The following ATP11A variants were observed in gnomAD, a reference collection of about 807,000 sequenced individuals.
ATP11A encodes phospholipid-transporting ATPase IH.
Under a neutral mutation model 154.4 loss-of-function variants are expected in ATP11A, and 81 were observed. That is an observed-to-expected ratio of 0.52 (90% confidence interval 0.44 to 0.63). The LOEUF is 0.63. ATP11A is among the 30% of genes least tolerant of loss of function. The probability of loss-of-function intolerance (pLI) is 0.00; values close to 1 mark genes in which losing one functional copy is unlikely to be tolerated. For synonymous variants in ATP11A, 623 were observed against 585.9 expected (o/e 1.06, Z -0.91); for missense variants, 1,316 against 1,474.3 (o/e 0.89, Z 1.76).
At chr13:112,800,624 A>C (rs147751692) in intron 2 of ATP11A, among the ~76,000 whole-genome samples, 10 of 152,306 alleles carry the variant, frequency 6.6e-5, no homozygotes, top group African/African-American at 2.4e-4. Flanking sequence ...TAGAAGCGGA[A>C]GGAACATTTT....
At chr13:112,857,129 C>T (rs1011075485) in intron 20 of ATP11A, among the ~76,000 whole-genome samples, 2 of 152,214 alleles carry the variant, frequency 1.3e-5, no homozygotes, top group African/African-American at 4.8e-5. Context: ...TGAAACATTT[C>T]ATACAAATTA....
intron 2 of ATP11A, among the ~76,000 whole-genome samples, chr13:112,802,066 TG>T (rs1566500967): frequency 6.6e-6 from 1 of 152,136 alleles, no homozygotes; most frequent in East Asian, 1.9e-4. Flanking sequence ...AAATAGCGGC[TG>T]GGCGTGGCGG....
At chr13:112,765,398 G>T (rs1023515965) in intron 1 of ATP11A, among the ~76,000 whole-genome samples, 2 of 152,226 alleles carry the variant, frequency 1.3e-5, no homozygotes, top group East Asian at 3.8e-4. Context: ...CGCTGGTGCA[G>T]CCTCCTCCGG....
chr13:112,834,254 A>C (rs1003143846), intron 14 of ATP11A, among the ~76,000 whole-genome samples: 18 of 152,250 alleles, frequency 1.2e-4, no homozygotes, highest in African/African-American at 4.1e-4. Flanking sequence ...AAAGTCCACG[A>C]ATCAATGAGC....
intron 1 of ATP11A, among the ~76,000 whole-genome samples, chr13:112,771,317 C>T (rs1316915810): frequency 6.6e-6 from 1 of 152,262 alleles, no homozygotes; most frequent in East Asian, 1.9e-4. Context: ...CGAGGGGAGG[C>T]AAGGCGTGCG....
At chr13:112,720,760 G>T (rs1171731770) in intron 1 of ATP11A, among the ~76,000 whole-genome samples, 2 of 152,074 alleles carry the variant, frequency 1.3e-5, no homozygotes, top group African/African-American at 4.8e-5. Flanking sequence ...GTTTCACCGT[G>T]TTGGCCAGGC....
In ATP11A at chr13:112,884,347, G is replaced by C. The variant is rs987977194; in HGVS notation, c.*2481G>C. 2.0e-5 allele frequency: 3 copies of C among 152,612 alleles called. No homozygotes were observed. Among genetic ancestry groups the C allele is most frequent in the African/African-American group, 7.2e-5 (3 of 41,438 alleles). The allele number at this position is 152,612 out of a possible 1,614,324, so 9.5% of individuals were successfully genotyped here. ...CTCACGTGAAGGTTTAGTAAGTTGG[G>C]TCCCAGCTCTGCCTGTGTGGAGATA... On this transcript the variant is annotated 3_prime_UTR_variant, in exon 30 of 30. Coordinates refer to ENST00000375645, the MANE Select transcript of ATP11A (RefSeq NM_015205.3).
intron 19 of ATP11A, among the ~76,000 whole-genome samples, chr13:112,855,621 C>T (rs148911226): frequency 2.2e-4 from 33 of 152,322 alleles, no homozygotes; most frequent in Non-Finnish European, 4.6e-4. Context: ...GATCTTAGAC[C>T]ACAAGATGAA....
At position 112,690,325 on chromosome 13, in the gene ATP11A, G is replaced by C; in HGVS notation, c.-92G>C. 2 of 1,024,128 alleles carry C rather than the reference G, an allele frequency of 2.0e-6. No individual in the cohort carries two copies. The highest frequency in any genetic ancestry group is 2.5e-6 in the Non-Finnish European group (2 of 816,302). The allele number at this position is 1,024,128 out of a possible 1,614,324, so 63.4% of individuals were successfully genotyped here. A position where few individuals can be genotyped will look rare whatever the true frequency, so the allele number is the denominator to read the frequency against. On this transcript the variant is annotated 5_prime_UTR_variant, in exon 1 of 30. Transcript: ENST00000375645. This position sits in a 1 kb window ranked among gnomAD's most constrained non-coding sequence, Gnocchi z 5.6. The stretch of plus-strand genomic sequence containing the variant: ...GCGCCGAGGCCGTGACCGGAGCGGG[G>C]GGCGCGGCCGCACTAGTACCCCGGA...
rs1283348721 is a variant in ATP11A, at chr13:112,746,446, A to G, written c.40-38689A>G. On this transcript the variant is annotated intron_variant, in intron 1 of 29. Transcript: ENST00000375645. The surrounding 1 kb of genome is among the most constrained non-coding windows in gnomAD (Gnocchi z 4.1). Reference sequence around the variant, plus strand: ...CGGCTCCCCGCGTCCTCCCCGGGTAACTGGGGCTCTGGTTCCCCACGTCCT... The same window carrying G: ...CGGCTCCCCGCGTCCTCCCCGGGTAGCTGGGGCTCTGGTTCCCCACGTCCT... 1 of 151,530 alleles carries G rather than the reference A, an allele frequency of 6.6e-6. No homozygotes were observed. Among genetic ancestry groups the G allele is most frequent in the Non-Finnish European group, 1.5e-5 (1 of 67,974 alleles). 9.4% of individuals were successfully genotyped at this position (151,530 alleles called of 1,614,324 possible). A position where few individuals can be genotyped will look rare whatever the true frequency, so the allele number is the denominator to read the frequency against.
At chr13:112,774,037 G>A (rs1048029058) in intron 1 of ATP11A, among the ~76,000 whole-genome samples, 5 of 152,200 alleles carry the variant, frequency 3.3e-5, no homozygotes, top group Admixed American at 6.5e-5. Context: ...CCTGCTTCCC[G>A]TCCACCTCAC....
chr13:112,886,912 A>G lies in ATP11A; in HGVS notation c.*5046A>G, dbSNP rs1011528014. The G allele has an allele frequency of 1.3e-5, 2 of 152,300 alleles. No homozygotes were observed. The highest frequency in any genetic ancestry group is 4.8e-5 in the African/African-American group (2 of 41,474). The allele number at this position is 152,300 out of a possible 1,614,324, so 9.4% of individuals were successfully genotyped here. ...AAACATAGTAGGTGCATTAACATAA[A>G]TCAGTCTCCACACAGTAACATTTAA... On this transcript the variant is annotated 3_prime_UTR_variant, in exon 30 of 30. Coordinates refer to ENST00000375645, the MANE Select transcript of ATP11A (RefSeq NM_015205.3).
intron 17 of ATP11A, among the ~76,000 whole-genome samples, chr13:112,848,293 T>G (rs2079663192): frequency 6.6e-6 from 1 of 152,256 alleles, no homozygotes; most frequent in South Asian, 2.1e-4. Flanking sequence ...CCTCCTTGGT[T>G]AAATTTATTC....
chr13:112,778,628 T>TGAGTAGCTGCTGGAGTGAG (rs2077406797), intron 1 of ATP11A, among the ~76,000 whole-genome samples: 3 of 99,286 alleles, frequency 3.0e-5, no homozygotes, highest in South Asian at 3.5e-4. Context: ...GCCACTGGAG[T>TGAGTAGCTGCTGGAGTGAG]GAGTAGCCGC....
At chr13:112,727,653 A>C (rs1890020199) in intron 1 of ATP11A, among the ~76,000 whole-genome samples, 1 of 152,138 alleles carries the variant, frequency 6.6e-6, no homozygotes, top group African/African-American at 2.4e-5. Context: ...TCCACACACC[A>C]TGCAGGGCCC....
At chr13:112,743,307 T>C (rs1891744818) in intron 1 of ATP11A, among the ~76,000 whole-genome samples, 1 of 152,200 alleles carries the variant, frequency 6.6e-6, no homozygotes. Flanking sequence ...GGTGTGGTTA[T>C]TGGGCAGATG....
Position 112,834,696 on chromosome 13 carries a change from T to A in ATP11A, c.1631+36T>A, listed in dbSNP as rs757224454. On this transcript the variant is annotated intron_variant, in intron 15 of 29. Transcript: ENST00000375645. ...ACCTCACCCTCAGATGTGAAAGGACTAACGAATAAAGAGTGTTCTTTATAA... is the reference window on the plus strand; with the variant it reads ...ACCTCACCCTCAGATGTGAAAGGACAAACGAATAAAGAGTGTTCTTTATAA... The A allele has an allele frequency of 2.0e-6, 3 of 1,504,436 alleles. No homozygotes were observed. In the Admixed American group the frequency reaches 5.1e-5, roughly 26 times the overall value. The allele number at this position is 1,504,436 out of a possible 1,614,324, so 93.2% of individuals were successfully genotyped here.
intron 1 of ATP11A, among the ~76,000 whole-genome samples, chr13:112,769,916 C>T (rs1322048372): frequency 6.6e-6 from 1 of 152,250 alleles, no homozygotes; most frequent in Non-Finnish European, 1.5e-5. Context: ...TGCTGCTTCA[C>T]AGGCAGCCTG....
Position 112,851,026 on chromosome 13 carries a change from G to A in ATP11A, c.1810-11G>A. On this transcript the variant is annotated splice_polypyrimidine_tract_variant and intron_variant, in intron 17 of 29. Coordinates refer to ENST00000375645, the MANE Select transcript of ATP11A (RefSeq NM_015205.3). ...TTGAATTCGTGCTAAACGCTGCATT[G>A]TGTTCTGCAGGAGGGGCTCCGAACT... 1 of 1,612,004 alleles carries A rather than the reference G, an allele frequency of 6.2e-7. No individual in the cohort carries two copies.
Sources: allele counts gnomAD v4.1 joint callset (sites outside exome capture counted in the v4.1 genomes callset), GRCh38; gene constraint gnomAD v4.1.1; non-coding constraint Gnocchi (gnomAD v3.1); transcripts MANE v1.5; gene names NCBI Gene and HGNC (gene_info 2026-07-23, HGNC 2026-07-21).